Variants in ALPK1 observed in about 807,000 individuals in gnomAD.
ALPK1 encodes the protein alpha-protein kinase 1.
A neutral mutation model predicts 120.6 loss-of-function variants in ALPK1; 110 were observed. The ratio of observed to expected loss-of-function variants is 0.91; its 90% CI spans 0.78 to 1.07. The LOEUF is 1.07. Among genes scored for constraint, ALPK1 ranks in the 50% least tolerant of loss-of-function variants. The pLI, the probability that ALPK1 is intolerant of heterozygous loss-of-function variation, is 0.00. For missense variants in ALPK1, 1,498 were observed against 1,483.9 expected, an observed-to-expected ratio of 1.01 and a Z score of -0.16; for synonymous variants, 582 against 560.3, an observed-to-expected ratio of 1.04 and a Z score of -0.55.
At position 112,425,713 on chromosome 4, in the gene ALPK1, T is replaced by G. The variant is rs764015889; in HGVS notation, c.584T>G (p.Val195Gly). Residue 195 changes from valine (V) to glycine (G), a missense_variant, in exon 7 of 16, where the codon GTC becomes GGC. Coordinates refer to ENST00000650871, the MANE Select transcript of ALPK1 (RefSeq NM_025144.4). ...AGTGACAAGGTCCTGGTGCAGTCGG[T>G]CTGTATACAGATCAGAGGGCAGATT... The part of the protein sequence containing the change: ...NESDKVLVQS[V>G]CIQIRGQILQ... The G allele has an allele frequency of 6.2e-7, 1 of 1,613,242 alleles. No homozygotes were observed.
At chr4:112,415,020 A>G (rs1054644974) in intron 5 of ALPK1, 10 of 152,148 alleles carry the variant, frequency 6.6e-5, no homozygotes, top group African/African-American at 1.9e-4. Flanking sequence ...ACAAAAGGAG[A>G]CTGAACAATC....
intron 1 of ALPK1, among the ~76,000 whole-genome samples, chr4:112,311,751 T>A (rs1352945184): frequency 6.6e-6 from 1 of 152,214 alleles, no homozygotes; most frequent in Non-Finnish European, 1.5e-5. Context: ...AGCAGAGATT[T>A]TTTCTAGGAA....
intron 1 of ALPK1, among the ~76,000 whole-genome samples, chr4:112,309,054 AGAACAGCAAATATTGCT>A (rs1280246241): frequency 1.3e-5 from 2 of 152,166 alleles, no homozygotes; most frequent in African/African-American, 2.4e-5. Context: ...CAGAGGCTGC[AGAACAGCAAATATTGCT>A]GAACAGCAAA....
intron 2 of ALPK1, among the ~76,000 whole-genome samples, chr4:112,365,407 AC>A (rs1027431004): frequency 6.6e-6 from 1 of 152,222 alleles, no homozygotes; most frequent in African/African-American, 2.4e-5. Flanking sequence ...CCTACTATAT[AC>A]CAATAGTGAC....
At chr4:112,397,990 C>T (rs1462624251) in intron 4 of ALPK1, among the ~76,000 whole-genome samples, 1 of 152,020 alleles carries the variant, frequency 6.6e-6, no homozygotes, top group East Asian at 1.9e-4. Context: ...TCTATGATGA[C>T]AAAGCAGAGT....
intron 2 of ALPK1, among the ~76,000 whole-genome samples, chr4:112,365,957 A>T (rs1425197613): frequency 6.6e-6 from 1 of 152,208 alleles, no homozygotes; most frequent in Non-Finnish European, 1.5e-5. Flanking sequence ...ATAGTGGGGA[A>T]AGGACACCCT....
In ALPK1 at chr4:112,411,852, C is replaced by G; in HGVS notation, c.302C>G (p.Ala101Gly). 6.2e-7 allele frequency: 1 copy of G among 1,613,478 alleles called. No individual in the cohort carries two copies. The highest frequency in any genetic ancestry group is 1.1e-5 in the South Asian group (1 of 90,952). ...GCGTCCCTGAGGGCCTCCATCCTCG[C>G]TCGGGACTGTGCGGCTGCGGCGGCT... is the stretch of plus-strand genomic sequence containing the variant. ...LLASLRASILARDCAAAAAIV... is the reference protein window; with the variant it reads ...LLASLRASILGRDCAAAAAIV... Residue 101 changes from alanine to glycine, a missense_variant, in exon 5 of 16, where the codon GCT becomes GGT. Coordinates refer to ENST00000650871, the MANE Select transcript of ALPK1 (RefSeq NM_025144.4).
At chr4:112,349,979 G>A (rs937720253) in intron 2 of ALPK1, among the ~76,000 whole-genome samples, 9 of 152,176 alleles carry the variant, frequency 5.9e-5, no homozygotes, top group African/African-American at 1.9e-4. Flanking sequence ...CCAGACCTAT[G>A]AGAAAACTGA....
chr4:112,329,541 T>G (rs189480111), intron 2 of ALPK1, among the ~76,000 whole-genome samples: 1 of 152,192 alleles, frequency 6.6e-6, no homozygotes, highest in African/African-American at 2.4e-5. Flanking sequence ...GTAAAAGCCA[T>G]GAGGTTCCAG....
chr4:112,438,958 A>G (rs1278043567), intron 13 of ALPK1, among the ~76,000 whole-genome samples: 1 of 152,204 alleles, frequency 6.6e-6, no homozygotes, highest in Non-Finnish European at 1.5e-5. Flanking sequence ...AGTAATCCTA[A>G]TTGTTAGAAA....
At chr4:112,325,883 T>C (rs1424642296) in intron 2 of ALPK1, among the ~76,000 whole-genome samples, 1 of 152,172 alleles carries the variant, frequency 6.6e-6, no homozygotes, top group Non-Finnish European at 1.5e-5. Context: ...TTCTCTTCTG[T>C]CCCTTCTACC....
At position 112,382,552 on chromosome 4, in the gene ALPK1, G is replaced by C. The variant is rs1044292289; in HGVS notation, c.276G>C (p.Leu92=). ...DVIGAGLQQL[L]ASLRASILAR... ...TTGGCGCCGGGTTGCAGCAGTTACT[G>C]GTAGGAAGAGCCACACCACCTGTTC... The change falls in exon 4 of 16, where the codon CTG becomes CTC. Residue 92 remains leucine, a splice_region_variant and synonymous_variant. Transcript: ENST00000650871. 1.9e-6 allele frequency: 3 copies of C among 1,614,104 alleles called. No homozygotes were observed. In the Admixed American group the frequency reaches 5.0e-5, roughly 27 times the overall value.
At chr4:112,340,519 T>G (rs1414239064) in intron 2 of ALPK1, among the ~76,000 whole-genome samples, 1 of 152,232 alleles carries the variant, frequency 6.6e-6, no homozygotes, top group Non-Finnish European at 1.5e-5. Context: ...AATCTCTTAC[T>G]AGATCTATGC....
chr4:112,321,732 A>G (rs1728875574), intron 2 of ALPK1, among the ~76,000 whole-genome samples: 1 of 152,234 alleles, frequency 6.6e-6, no homozygotes, highest in Non-Finnish European at 1.5e-5. Flanking sequence ...ATAAGACAAA[A>G]TTCAAAAAGA....
intron 4 of ALPK1, among the ~76,000 whole-genome samples, chr4:112,385,772 T>C (rs941334640): frequency 3.3e-5 from 5 of 152,364 alleles, no homozygotes; most frequent in Non-Finnish European, 7.3e-5. Flanking sequence ...AGCTGGATGG[T>C]CATATTTTAA....
Position 112,429,172 on chromosome 4 carries a change from C to G in ALPK1, c.819C>G (p.His273Gln), listed in dbSNP as rs771529156. 25 of 1,613,238 alleles carry G rather than the reference C, an allele frequency of 1.5e-5. No homozygotes were observed. Among genetic ancestry groups the G allele is most frequent in the Non-Finnish European group, 1.9e-5 (22 of 1,179,958 alleles). Residue 273 changes from histidine (H) to glutamine (Q), a missense_variant, in exon 10 of 16, where the codon CAC (histidine) becomes CAG (glutamine). Transcript: ENST00000650871. ...AGAGCCTGCTGAAGGAGTTTGACCA[C>G]CATTTGCTGTCCGCTGCAGAAGCCT... ...INLSLLKEFD[H>Q]HLLSAAEACK...
rs1734238834 is a variant in ALPK1 at position 112,426,455 on chromosome 4, T to TTC, written c.623-11_623-10insCT. On this transcript the variant is annotated splice_polypyrimidine_tract_variant and intron_variant, in intron 7 of 15. Coordinates refer to ENST00000650871, the MANE Select transcript of ALPK1 (RefSeq NM_025144.4). ...CCCCTGTCCCTCTCCCCGCCCCTCT[T>TTC]TTTTTTTTCAGGGATGTGGTACGAA... 6.9e-6 allele frequency: 11 copies of TTC among 1,601,700 alleles called. No individual in the cohort carries two copies. Among genetic ancestry groups the TTC allele is most frequent in the Non-Finnish European group, 9.4e-6 (11 of 1,173,126 alleles).
Position 112,361,917 on chromosome 4 carries a change from C to T in ALPK1, c.-100-15761C>T, listed in dbSNP as rs181483360. ...GAAGATGGATCACATCACAGGACTC[C>T]GTGCAGACACTCCCCAGTACCAACC... is the stretch of plus-strand genomic sequence containing the variant. On this transcript the variant is annotated intron_variant, in intron 2 of 15. Transcript: ENST00000650871. Among the ~76,000 whole-genome samples the T allele has an allele frequency of 2.6e-4, 39 of 152,356 alleles. No homozygotes were observed. In the East Asian group the frequency reaches 4.2e-3, roughly 17 times the overall value.
chr4:112,358,349 A>C, intron 2 of ALPK1: 2 of 599,948 alleles, frequency 3.3e-6, no homozygotes, highest in South Asian at 3.5e-5. Flanking sequence ...TGCTGAGCGA[A>C]CTATGCCAGC....
Sources: gnomAD v4.1 joint callset for allele counts (sites outside exome capture counted in the v4.1 genomes callset) on GRCh38, gnomAD v4.1.1 for gene constraint, MANE v1.5 for transcripts, NCBI Gene and HGNC (gene_info 2026-07-23, HGNC 2026-07-21) for gene names.